GADL1: variants seen among roughly 807,000 people sequenced by gnomAD.
GADL1 encodes the protein GAD like acidic amino acid decarboxylase 1.
In GADL1, 71 loss-of-function variants were observed where a neutral mutation model predicts 69.5. The observed-to-expected ratio is 1.02, with a 90% CI of 0.84 to 1.25. The LOEUF (loss-of-function observed/expected upper bound fraction) is 1.25. GADL1 is among the 50% of genes most tolerant of loss of function. The pLI, the probability that GADL1 is intolerant of heterozygous loss-of-function variation, is 0.00. For missense variants in GADL1, 737 were observed against 631.8 expected (o/e 1.17, Z -1.79); for synonymous variants, 254 against 214.4 (o/e 1.18, Z -1.62).
intron 1 of GADL1, among the ~76,000 whole-genome samples, chr3:30,863,610 T>C (rs547608667): frequency 1.9e-3 from 285 of 152,142 alleles, no homozygotes; most frequent in Non-Finnish European, 3.0e-3. Context: ...GTTCATTTAA[T>C]TGTTGAAATT....
intron 14 of GADL1, among the ~76,000 whole-genome samples, chr3:30,766,215 G>GT (rs1478677054): frequency 6.6e-6 from 1 of 152,188 alleles, no homozygotes; most frequent in East Asian, 1.9e-4. Flanking sequence ...TGAAGAGGTG[G>GT]TAGAATATAG....
chr3:30,884,460 A>G (rs542078645), intron 1 of GADL1, among the ~76,000 whole-genome samples: 87 of 152,128 alleles, frequency 5.7e-4, no homozygotes, highest in South Asian at 2.3e-3. Context: ...CCCTAAATCC[A>G]CGAGAGATGG....
Position 30,854,587 on chromosome 3 carries a change from C to T in GADL1, c.428+112G>A, listed in dbSNP as rs1026436388. ...TATCATAAAACTATTCCATTATTTG[C>T]GATGGCACTATGCAAAAGAAACCAT... On this transcript the variant is annotated intron_variant, in intron 4 of 14. Coordinates refer to ENST00000282538, the MANE Select transcript of GADL1 (RefSeq NM_207359.3). 23 of 627,266 alleles carry T rather than the reference C, an allele frequency of 3.7e-5. No homozygotes were observed. In the Admixed American group the frequency reaches 3.9e-4, roughly 11 times the overall value. The allele number at this position is 627,266 out of a possible 1,614,324, so 38.9% of individuals were successfully genotyped here. A position where few individuals can be genotyped will look rare whatever the true frequency, so the allele number is the denominator to read the frequency against.
chr3:30,870,082 T>A (rs1264999694), intron 1 of GADL1, among the ~76,000 whole-genome samples: 1 of 151,868 alleles, frequency 6.6e-6, no homozygotes, highest in Non-Finnish European at 1.5e-5. Context: ...TATAGAACTC[T>A]GTGTAAGGCA....
chr3:30,756,860 GAT>G (rs1189407304), intron 14 of GADL1, among the ~76,000 whole-genome samples: 5 of 150,004 alleles, frequency 3.3e-5, no homozygotes, highest in African/African-American at 9.9e-5. Context: ...CATTAGGAAA[GAT>G]AGGCTTGATT....
In GADL1 at chr3:30,804,433, C is replaced by T. The variant is rs1697218654; in HGVS notation, c.1051-3345G>A. ...AACATTTAGTTACTTAGTCTGCGTC[C>T]TCTAGGTCTCCACCTTGACATTTAT... On this transcript the variant is annotated intron_variant, in intron 11 of 14. Coordinates refer to ENST00000282538, the MANE Select transcript of GADL1 (RefSeq NM_207359.3). Among the ~76,000 whole-genome samples, 3 of 152,160 alleles carry T rather than the reference C, an allele frequency of 2.0e-5. No individual in the cohort carries two copies. In the South Asian group the frequency reaches 6.2e-4, roughly 32 times the overall value.
chr3:30,833,935 C>T lies in GADL1; in HGVS notation c.969-1G>A. 11 of 1,610,546 alleles carry T rather than the reference C, an allele frequency of 6.8e-6. No individual in the cohort carries two copies. The highest frequency in any genetic ancestry group is 9.3e-6 in the Non-Finnish European group (11 of 1,177,282). On this transcript the variant is annotated splice_acceptor_variant, in intron 10 of 14. Transcript: ENST00000282538. LOFTEE classifies it high-confidence loss of function. ...TGGGTTCCAGGCCACAGAGTCAGCCCTATTGTTTAAACAAAGGGACAGAGT... is the reference window on the plus strand; with the variant it reads ...TGGGTTCCAGGCCACAGAGTCAGCCTTATTGTTTAAACAAAGGGACAGAGT...
intron 1 of GADL1, among the ~76,000 whole-genome samples, chr3:30,889,442 A>G (rs887326858): frequency 6.6e-6 from 1 of 152,234 alleles, no homozygotes; most frequent in African/African-American, 2.4e-5. Context: ...CACACGTGCA[A>G]AACAATTAGG....
chr3:30,823,803 G>T (rs953441744), intron 11 of GADL1, among the ~76,000 whole-genome samples: 1 of 151,924 alleles, frequency 6.6e-6, no homozygotes, highest in Non-Finnish European at 1.5e-5. Flanking sequence ...ATGACAGTAT[G>T]TAGGTAAAAA....
chr3:30,830,865 C>A (rs917367957), intron 11 of GADL1, among the ~76,000 whole-genome samples: 3 of 151,928 alleles, frequency 2.0e-5, no homozygotes, highest in Non-Finnish European at 4.4e-5. Context: ...CTCCAGTGAT[C>A]TTCATCTTCC....
At chr3:30,883,590 T>G (rs781176125) in intron 1 of GADL1, among the ~76,000 whole-genome samples, 2 of 152,064 alleles carry the variant, frequency 1.3e-5, no homozygotes, top group Non-Finnish European at 2.9e-5. Context: ...GTCCTCTAAA[T>G]TTCTTTTTCT....
intron 11 of GADL1, among the ~76,000 whole-genome samples, chr3:30,817,917 CTTCT>C (rs1198856600): frequency 6.6e-6 from 1 of 152,174 alleles, no homozygotes; most frequent in African/African-American, 2.4e-5. Flanking sequence ...AAGTGGTGAA[CTTCT>C]TTCTGTGATA....
At chr3:30,854,620 A>G (rs1161338335) in intron 4 of GADL1, 79 bp downstream of exon 4, 1 of 820,018 alleles carries the variant, frequency 1.2e-6, no homozygotes, top group African/African-American at 1.7e-5. Flanking sequence ...CATTAAATAG[A>G]GATTTTTGAA....
chr3:30,737,313 G>A (rs1695553945), intron 14 of GADL1, among the ~76,000 whole-genome samples: 1 of 151,966 alleles, frequency 6.6e-6, no homozygotes, highest in Admixed American at 6.6e-5. Context: ...GAGGGGAGAG[G>A]AAATTGAGAA....
At chr3:30,769,391 C>T (rs1213557559) in intron 14 of GADL1, among the ~76,000 whole-genome samples, 1 of 152,084 alleles carries the variant, frequency 6.6e-6, no homozygotes, top group Non-Finnish European at 1.5e-5. Context: ...CACACGCACA[C>T]ACACACACCC....
At chr3:30,887,247 T>C (rs950161934) in intron 1 of GADL1, among the ~76,000 whole-genome samples, 1 of 152,142 alleles carries the variant, frequency 6.6e-6, no homozygotes, top group Non-Finnish European at 1.5e-5. Flanking sequence ...GAAGGTGCTG[T>C]GGTTTGAATG....
At chr3:30,831,607 A>G (rs1196628016) in intron 11 of GADL1, among the ~76,000 whole-genome samples, 2 of 151,992 alleles carry the variant, frequency 1.3e-5, no homozygotes, top group Non-Finnish European at 1.5e-5. Context: ...TGTGCATATT[A>G]ATTTTTTAAA....
At chr3:30,871,198 G>A (rs972356127) in intron 1 of GADL1, among the ~76,000 whole-genome samples, 1 of 151,534 alleles carries the variant, frequency 6.6e-6, no homozygotes, top group African/African-American at 2.4e-5. Context: ...AAACTGAGGA[G>A]TTCAGCTGTT....
chr3:30,802,119 T>C (rs1450659148), intron 11 of GADL1, among the ~76,000 whole-genome samples: 1 of 152,176 alleles, frequency 6.6e-6, no homozygotes, highest in Non-Finnish European at 1.5e-5. Flanking sequence ...CCATCTCAAC[T>C]TTTTCTTCCC....
Sources: allele counts gnomAD v4.1 joint callset (sites outside exome capture counted in the v4.1 genomes callset), GRCh38; gene constraint gnomAD v4.1.1; transcripts MANE v1.5; gene names NCBI Gene and HGNC (gene_info 2026-07-23, HGNC 2026-07-21).